OCA2: variants seen among roughly 807,000 people sequenced by gnomAD.
OCA2 encodes the protein P protein.
A neutral mutation model predicts 100.2 loss-of-function variants in OCA2; 77 were observed. That is an observed-to-expected ratio of 0.77 (90% CI 0.64 to 0.93). OCA2 has a LOEUF of 0.93. OCA2 is among the 40% of genes least tolerant of loss of function. OCA2 has a pLI of 0.00. For missense variants in OCA2, 1,062 were observed against 1,089.1 expected, an observed-to-expected ratio of 0.98 and a Z score of 0.35; for synonymous variants, 432 against 439.2, an observed-to-expected ratio of 0.98 and a Z score of 0.21.
chr15:27,886,138 G>C (rs1261406188), intron 19 of OCA2, among the ~76,000 whole-genome samples: 1 of 152,166 alleles, frequency 6.6e-6, no homozygotes, highest in Non-Finnish European at 1.5e-5. Context: ...TAGCAAGAAG[G>C]CCACCGTGTC....
chr15:27,975,464 T>C (rs573670709), intron 14 of OCA2, among the ~76,000 whole-genome samples: 2 of 152,326 alleles, frequency 1.3e-5, no homozygotes, highest in South Asian at 2.1e-4. Flanking sequence ...TTTGTGGATA[T>C]AGTGAGAGGT....
Position 27,790,830 on chromosome 15 carries a change from C to T in OCA2, c.2433-35358G>A, listed in dbSNP as rs569979513. ...GAGACAGGGCAACTTGCTCTGTTGC[C>T]CAGGCTGAAGTATAGTGGCACAATC... On this transcript the variant is annotated intron_variant, in intron 23 of 23. Coordinates refer to ENST00000354638, the MANE Select transcript of OCA2 (RefSeq NM_000275.3). Among the ~76,000 whole-genome samples, 8 of 150,892 alleles carry T rather than the reference C, an allele frequency of 5.3e-5. No homozygotes were observed. In the South Asian group the frequency reaches 1.0e-3, roughly 20 times the overall value.
At chr15:27,876,532 A>G (rs916918574) in intron 19 of OCA2, among the ~76,000 whole-genome samples, 3 of 151,972 alleles carry the variant, frequency 2.0e-5, no homozygotes, top group African/African-American at 4.8e-5. Context: ...TTTCTTACTC[A>G]ATGTTTGAGA....
chr15:27,816,869 C>T (rs1477389406), intron 23 of OCA2, among the ~76,000 whole-genome samples: 3 of 152,144 alleles, frequency 2.0e-5, no homozygotes, highest in Non-Finnish European at 2.9e-5. Flanking sequence ...AAGGCAATGG[C>T]ACCCCACCAC....
intron 23 of OCA2, among the ~76,000 whole-genome samples, chr15:27,812,448 G>C (rs1874840): frequency 0.58 from 88,249 of 152,008 alleles, 26,010 homozygotes; most frequent in South Asian, 0.77. Context: ...AGGGGTGGCA[G>C]TTTCTCCAGG....
intron 2 of OCA2, among the ~76,000 whole-genome samples, chr15:28,044,975 A>C (rs925316285): frequency 6.6e-6 from 1 of 152,124 alleles, no homozygotes; most frequent in Admixed American, 6.5e-5. Context: ...TTCAATTTTT[A>C]TTTCTTTCCC....
chr15:27,807,941 G>A (rs1436408613), intron 23 of OCA2, among the ~76,000 whole-genome samples: 1 of 152,222 alleles, frequency 6.6e-6, no homozygotes, highest in Non-Finnish European at 1.5e-5. Flanking sequence ...CTACTCCCCT[G>A]TACATTTACT....
At chr15:27,990,553 G>C (rs756835136) in intron 10 of OCA2, 23 bp downstream of exon 10, 1 of 1,611,236 alleles carries the variant, frequency 6.2e-7, no homozygotes, top group South Asian at 1.1e-5. Flanking sequence ...GGTAAGCCAG[G>C]GATTGGGACT....
chr15:27,782,242 C>A (rs2032580940), intron 23 of OCA2, among the ~76,000 whole-genome samples: 3 of 152,082 alleles, frequency 2.0e-5, no homozygotes, highest in Admixed American at 6.6e-5. Flanking sequence ...CTGGAGGAAC[C>A]CAGCCCCAGA....
intron 19 of OCA2, among the ~76,000 whole-genome samples, chr15:27,891,818 T>C (rs2037473209): frequency 6.6e-6 from 1 of 151,814 alleles, no homozygotes; most frequent in South Asian, 2.1e-4. Context: ...TCTAAACATA[T>C]CAACCAAAAC....
chr15:27,989,517 T>G (rs1010989792), intron 11 of OCA2, 84 bp downstream of exon 11: 1 of 1,098,092 alleles, frequency 9.1e-7, no homozygotes, highest in Non-Finnish European at 1.4e-6. Flanking sequence ...TTTAACATAA[T>G]GAAGGACCCT....
At chr15:28,064,258 T>C (rs1300258554) in intron 2 of OCA2, among the ~76,000 whole-genome samples, 1 of 152,126 alleles carries the variant, frequency 6.6e-6, no homozygotes, top group Non-Finnish European at 1.5e-5. Flanking sequence ...TTGCTATAAG[T>C]CTCTTTAAGT....
rs531876117 is a variant in OCA2, at chr15:28,096,201, G to A, written c.-22+3023C>T. Among the ~76,000 whole-genome samples the A allele has an allele frequency of 9.9e-5, 15 of 150,776 alleles. No homozygotes were observed. In the South Asian group the frequency reaches 2.8e-3, roughly 28 times the overall value. On this transcript the variant is annotated intron_variant, in intron 1 of 23. Coordinates refer to ENST00000354638, the MANE Select transcript of OCA2 (RefSeq NM_000275.3). ...GTCTCCAAGGCGTGGCCGTGTCTCTGGGGGCATGGCTTGTCTCCGGGGCGT... is the reference window on the plus strand; with the variant it reads ...GTCTCCAAGGCGTGGCCGTGTCTCTAGGGGCATGGCTTGTCTCCGGGGCGT...
chr15:27,736,107 TCTG>T, the OCA2 span, among the ~76,000 whole-genome samples: 1 of 152,144 alleles, frequency 6.6e-6, no homozygotes, highest in South Asian at 2.1e-4. Context: ...TAAAATTAGA[TCTG>T]CTAATTAAAA....
chr15:27,725,325 C>T, the OCA2 span, among the ~76,000 whole-genome samples: 30 of 152,332 alleles, frequency 2.0e-4, no homozygotes, highest in African/African-American at 7.0e-4. Flanking sequence ...GCCTATAATC[C>T]CAGCACTTTG....
At chr15:28,053,562 C>A (rs2043584788) in intron 2 of OCA2, among the ~76,000 whole-genome samples, 1 of 152,196 alleles carries the variant, frequency 6.6e-6, no homozygotes, top group African/African-American at 2.4e-5. Context: ...CCACTCAGGG[C>A]TACTACCATG....
chr15:27,753,907 AGGAGCC>A (rs1435618811), downstream of OCA2, among the ~76,000 whole-genome samples: 1 of 152,058 alleles, frequency 6.6e-6, no homozygotes, highest in Non-Finnish European at 1.5e-5. Flanking sequence ...CTGAGCTGGA[AGGAGCC>A]GGACATGAGG....
intron 19 of OCA2, among the ~76,000 whole-genome samples, chr15:27,901,110 G>T (rs2037910997): frequency 6.6e-6 from 1 of 152,186 alleles, no homozygotes; most frequent in South Asian, 2.1e-4. Flanking sequence ...TAAGTTTCAG[G>T]TGTTACTGAA....
At chr15:28,096,219 C>T (rs576471499) in intron 1 of OCA2, among the ~76,000 whole-genome samples, 34 of 148,958 alleles carry the variant, frequency 2.3e-4, no homozygotes, top group Middle Eastern at 3.4e-3. Flanking sequence ...GGCTTGTCTC[C>T]GGGGCGTGGT....
Sources: gnomAD v4.1 joint callset for allele counts (sites outside exome capture counted in the v4.1 genomes callset) on GRCh38, gnomAD v4.1.1 for gene constraint, MANE v1.5 for transcripts, NCBI Gene and HGNC (gene_info 2026-07-23, HGNC 2026-07-21) for gene names.